The following WAPL variants were observed in gnomAD, a reference collection of about 807,000 sequenced individuals.
WAPL encodes the protein wings apart-like protein homolog.
A neutral mutation model predicts 121.0 loss-of-function variants in WAPL; 5 were observed. The observed-to-expected ratio is 0.04, with a 90% CI of 0.02 to 0.09. The LOEUF (loss-of-function observed/expected upper bound fraction) is 0.09, where lower values mean the gene tolerates loss of function less well. Ranked by LOEUF, WAPL falls within the 10% of genes least tolerant of loss-of-function variation. The pLI, the probability that WAPL is intolerant of heterozygous loss-of-function variation, is 1.00. For synonymous variants in WAPL, 480 were observed against 481.5 expected (o/e 1.00, Z 0.04); for missense variants, 999 against 1,410.8 (o/e 0.71, Z 4.68).
In WAPL at chr10:86,472,132, C is replaced by T; in HGVS notation, c.2030+76G>A. On this transcript the variant is annotated intron_variant, in intron 7 of 18. Transcript: ENST00000298767. The surrounding 1 kb of genome is among the most constrained non-coding windows in gnomAD (Gnocchi z 4.2). ...TCATAACAAAATAAAAAATGTTTGGCTTTTTGGACAACACCTAGTTGAAAA... is the reference window on the plus strand; with the variant it reads ...TCATAACAAAATAAAAAATGTTTGGTTTTTTGGACAACACCTAGTTGAAAA... The T allele has an allele frequency of 5.6e-6, 8 of 1,417,220 alleles. No individual in the cohort carries two copies. Among genetic ancestry groups the T allele is most frequent in the Non-Finnish European group, 7.5e-6 (8 of 1,069,452 alleles). 87.8% of individuals were successfully genotyped at this position (1,417,220 alleles called of 1,614,324 possible).
intron 4 of WAPL, among the ~76,000 whole-genome samples, chr10:86,496,851 G>T (rs540262919): frequency 6.6e-6 from 1 of 151,038 alleles, no homozygotes; most frequent in African/African-American, 2.4e-5. Flanking sequence ...CACATTCCTA[G>T]AGACAGAGTG....
intron 9 of WAPL, among the ~76,000 whole-genome samples, chr10:86,466,290 T>C (rs1841393347): frequency 6.6e-6 from 1 of 152,162 alleles, no homozygotes; most frequent in South Asian, 2.1e-4. Flanking sequence ...AAGGCAGTTA[T>C]GGCGGGGGTG....
chr10:86,508,227 C>T (rs1444137273), intron 2 of WAPL, among the ~76,000 whole-genome samples: 1 of 152,164 alleles, frequency 6.6e-6, no homozygotes, highest in Non-Finnish European at 1.5e-5. Flanking sequence ...CCCCAAGTTA[C>T]CCTGCCTTTC....
intron 4 of WAPL, among the ~76,000 whole-genome samples, chr10:86,483,858 G>A (rs1425243887): frequency 6.9e-5 from 8 of 116,632 alleles, no homozygotes; most frequent in East Asian, 2.7e-4. Context: ...ACAGTGGCGC[G>A]ATCTCGGCTC....
chr10:86,436,829 T>A lies in WAPL; in HGVS notation c.*714A>T, dbSNP rs1268985655. ...TTCTCTCAAACTGTTGTTTTTCTTG[T>A]GCCTATAGCTATGACACATTATGGT... is the stretch of plus-strand genomic sequence containing the variant. On this transcript the variant is annotated 3_prime_UTR_variant, in exon 19 of 19. Transcript: ENST00000298767. 1 of 152,654 alleles carries A rather than the reference T, an allele frequency of 6.6e-6. No individual in the cohort carries two copies. The highest frequency in any genetic ancestry group is 1.5e-5 in the Non-Finnish European group (1 of 68,038). 9.5% of individuals were successfully genotyped at this position (152,654 alleles called of 1,614,324 possible).
At chr10:86,519,233 T>G (rs1341649265) in intron 1 of WAPL, among the ~76,000 whole-genome samples, 1 of 152,204 alleles carries the variant, frequency 6.6e-6, no homozygotes, top group Non-Finnish European at 1.5e-5. Context: ...ATAGTACTTT[T>G]TAAACATGAT....
chr10:86,461,774 C>G (rs1003011987), intron 9 of WAPL, among the ~76,000 whole-genome samples: 2 of 152,160 alleles, frequency 1.3e-5, no homozygotes, highest in Non-Finnish European at 2.9e-5. Flanking sequence ...ATTTTTACAA[C>G]GACAGTAACC....
At chr10:86,470,603 C>G (rs1841514985) in intron 8 of WAPL, among the ~76,000 whole-genome samples, 4 of 152,110 alleles carry the variant, frequency 2.6e-5, no homozygotes. Flanking sequence ...AAAAACGTTT[C>G]TAAAAAATTA....
chr10:86,467,862 T>C (rs1332792548), intron 8 of WAPL, among the ~76,000 whole-genome samples: 1 of 151,670 alleles, frequency 6.6e-6, no homozygotes, highest in Non-Finnish European at 1.5e-5. Context: ...ATTTTTTTAG[T>C]AGAGACGGGG....
chr10:86,477,819 C>G (rs61856692), intron 4 of WAPL, among the ~76,000 whole-genome samples: 38,841 of 151,474 alleles, frequency 0.26, 5,842 homozygotes, highest in South Asian at 0.44. Context: ...GTGGCTCACG[C>G]CTGTAATCCT....
In WAPL at chr10:86,521,691, G is replaced by A. The variant is rs1842685500; in HGVS notation, c.-349C>T. The A allele has an allele frequency of 2.2e-6, 1 of 464,214 alleles. No individual in the cohort carries two copies. The highest frequency in any genetic ancestry group is 4.5e-6 in the Non-Finnish European group (1 of 224,678). 28.8% of individuals were successfully genotyped at this position (464,214 alleles called of 1,614,324 possible). ...CTCCTGCGCCGCCGCTTCCGCCGGT[G>A]AATGGTCAGTGCTGGAGTTTGAACA... On this transcript the variant is annotated 5_prime_UTR_variant, in exon 1 of 19. Coordinates refer to ENST00000298767, the MANE Select transcript of WAPL (RefSeq NM_015045.5).
chr10:86,477,096 G>A (rs1841674709), intron 4 of WAPL, among the ~76,000 whole-genome samples: 1 of 152,008 alleles, frequency 6.6e-6, no homozygotes, highest in African/African-American at 2.4e-5. Context: ...ATTAATATAG[G>A]GTTTATTATG....
At chr10:86,453,480 T>C in intron 13 of WAPL, 145 bp from the exon 14 acceptor site, 2 of 1,180,820 alleles carry the variant, frequency 1.7e-6, no homozygotes, top group African/African-American at 3.1e-5. Flanking sequence ...TGGGTCAAGC[T>C]ACTAGGCTTC....
At chr10:86,462,988 T>C (rs1157694451) in intron 9 of WAPL, among the ~76,000 whole-genome samples, 2 of 152,240 alleles carry the variant, frequency 1.3e-5, no homozygotes, top group African/African-American at 2.4e-5. Flanking sequence ...TTTGTTTCTA[T>C]TGGCATAAAA....
chr10:86,471,601 AAAG>A (rs887783993), intron 7 of WAPL, among the ~76,000 whole-genome samples: 30 of 151,374 alleles, frequency 2.0e-4, no homozygotes, highest in African/African-American at 7.0e-4. Flanking sequence ...TCAGAGGTAA[AAAG>A]AACTTAAAAG....
intron 4 of WAPL, among the ~76,000 whole-genome samples, chr10:86,495,303 C>CA (rs1286407024): frequency 6.6e-6 from 1 of 151,984 alleles, no homozygotes; most frequent in Non-Finnish European, 1.5e-5. Context: ...CACGTCTCTA[C>CA]AAAAAATACA....
At chr10:86,493,921 T>A (rs1411217466) in intron 4 of WAPL, among the ~76,000 whole-genome samples, 1 of 152,146 alleles carries the variant, frequency 6.6e-6, no homozygotes, top group Non-Finnish European at 1.5e-5. Flanking sequence ...GAGAATCACT[T>A]GCACCTGGGA....
At chr10:86,499,233 C>A (rs568137668) in intron 3 of WAPL, among the ~76,000 whole-genome samples, 2 of 152,312 alleles carry the variant, frequency 1.3e-5, no homozygotes, top group Admixed American at 6.5e-5. Flanking sequence ...TGATCATTAA[C>A]ACTTGAAATG....
intron 2 of WAPL, among the ~76,000 whole-genome samples, chr10:86,502,150 C>T (rs781397287): frequency 1.3e-5 from 2 of 152,150 alleles, no homozygotes; most frequent in African/African-American, 4.8e-5. Context: ...ACATAAGTAA[C>T]AAGAAACTCA....
Sources: allele counts gnomAD v4.1 joint callset (sites outside exome capture counted in the v4.1 genomes callset), GRCh38; gene constraint gnomAD v4.1.1; non-coding constraint Gnocchi (gnomAD v3.1); transcripts MANE v1.5; gene names NCBI Gene and HGNC (gene_info 2026-07-23, HGNC 2026-07-21).